Variants in ERC1 observed in about 807,000 individuals in gnomAD.
ERC1 encodes the protein RAB6 interacting protein 2.
ERC1 carries 56 observed loss-of-function variants against 132.0 expected under a neutral mutation model. The observed-to-expected ratio is 0.42, with a 90% CI of 0.34 to 0.53. ERC1 has a LOEUF of 0.53. Among genes scored for constraint, ERC1 ranks in the 20% least tolerant of loss-of-function variants. The pLI is 0.03. For missense variants in ERC1, 1,202 were observed against 1,349.9 expected (o/e 0.89, Z 1.72); for synonymous variants, 478 against 476.1 (o/e 1.00, Z -0.05).
chr12:1,423,282 G>A (rs74465925), intron 17 of ERC1, among the ~76,000 whole-genome samples: 1,634 of 152,212 alleles, frequency 0.011, 45 homozygotes, highest in African/African-American at 0.037. Flanking sequence ...CCTTACAAAA[G>A]TCTTCTACCA....
intron 12 of ERC1, among the ~76,000 whole-genome samples, chr12:1,195,831 C>T (rs1194623407): frequency 1.3e-5 from 2 of 151,556 alleles, no homozygotes; most frequent in Non-Finnish European, 2.9e-5. Context: ...TCCGTTACTT[C>T]CAACCCAGTG....
chr12:1,149,495 C>T (rs1034631170), intron 8 of ERC1, among the ~76,000 whole-genome samples: 4 of 152,120 alleles, frequency 2.6e-5, no homozygotes, highest in Admixed American at 1.3e-4. Context: ...GTGTCTGGAG[C>T]TCAAGCAGTC....
chr12:1,369,790 T>C (rs2087010971), intron 15 of ERC1, among the ~76,000 whole-genome samples: 1 of 152,194 alleles, frequency 6.6e-6, no homozygotes, highest in Admixed American at 6.5e-5. Flanking sequence ...TAGAATTACG[T>C]AGTGTGGGGA....
chr12:1,359,243 A>G (rs2085840809), intron 15 of ERC1, among the ~76,000 whole-genome samples: 1 of 152,250 alleles, frequency 6.6e-6, no homozygotes, highest in South Asian at 2.1e-4. Flanking sequence ...AATTAAACAT[A>G]TTTTCTTTAC....
chr12:1,083,753 G>A (rs912468021), intron 3 of ERC1, among the ~76,000 whole-genome samples, 173 bp downstream of exon 3: 1 of 152,066 alleles, frequency 6.6e-6, no homozygotes, highest in Non-Finnish European at 1.5e-5. Context: ...CTGTTGTATG[G>A]GATGACATTG....
chr12:1,369,540 A>G (rs2086980653), intron 15 of ERC1, among the ~76,000 whole-genome samples: 1 of 152,114 alleles, frequency 6.6e-6, no homozygotes, highest in Non-Finnish European at 1.5e-5. Context: ...GAAATGTAGC[A>G]CCCTTATTGG....
Position 1,108,404 on chromosome 12 carries a change from T to G in ERC1, c.1162-1788T>G, listed in dbSNP as rs191225973. On this transcript the variant is annotated intron_variant, in intron 4 of 18. Transcript: ENST00000360905. ...AGTTCTTACCTGGGACTAAATTGTC[T>G]TGAGTGGAGCCCCAGTGCTGCTGGA... Among the ~76,000 whole-genome samples, 7 of 152,338 alleles carry G rather than the reference T, an allele frequency of 4.6e-5. No individual in the cohort carries two copies. The East Asian group carries it at 1.3e-3, about 29-fold the overall frequency.
At chr12:1,287,429 G>C (rs559717071) in intron 14 of ERC1, among the ~76,000 whole-genome samples, 13 of 152,178 alleles carry the variant, frequency 8.5e-5, no homozygotes, top group Non-Finnish European at 1.9e-4. Context: ...ACAGTATTCT[G>C]GGTGTTTCTG....
At chr12:1,008,579 A>C (rs749894219) in intron 1 of ERC1, among the ~76,000 whole-genome samples, 2 of 151,984 alleles carry the variant, frequency 1.3e-5, no homozygotes, top group African/African-American at 4.8e-5. Flanking sequence ...GCCCGGCCAC[A>C]TTATTTTTTA....
At chr12:1,185,378 CT>C (rs1317329912) in intron 11 of ERC1, among the ~76,000 whole-genome samples, 14 of 151,658 alleles carry the variant, frequency 9.2e-5, no homozygotes, top group African/African-American at 3.4e-4. Flanking sequence ...TTTTTTTTCC[CT>C]TGTAGAGTGA....
chr12:1,437,066 A>G (rs180745563), intron 17 of ERC1, among the ~76,000 whole-genome samples: 119 of 152,308 alleles, frequency 7.8e-4, no homozygotes, highest in African/African-American at 2.3e-3. Flanking sequence ...CAAGCCAAGA[A>G]CTGAATTCAA....
chr12:1,351,398 G>A (rs2084982123), intron 15 of ERC1, among the ~76,000 whole-genome samples: 1 of 152,194 alleles, frequency 6.6e-6, no homozygotes, highest in South Asian at 2.1e-4. Flanking sequence ...GTCTTCCAAA[G>A]TGCTGTACCA....
At chr12:1,093,205 C>A (rs183124254) in intron 3 of ERC1, among the ~76,000 whole-genome samples, 6 of 152,152 alleles carry the variant, frequency 3.9e-5, no homozygotes, top group East Asian at 1.9e-4. Context: ...TTCTCCCCCC[C>A]AAAAGCCGAG....
At chr12:1,413,212 C>T (rs937886125) in intron 17 of ERC1, among the ~76,000 whole-genome samples, 1 of 152,072 alleles carries the variant, frequency 6.6e-6, no homozygotes, top group Non-Finnish European at 1.5e-5. Flanking sequence ...GTCAAGCAGC[C>T]CTCCTAAGAC....
At chr12:1,334,624 GT>G (rs1242618455) in intron 15 of ERC1, among the ~76,000 whole-genome samples, 1 of 152,138 alleles carries the variant, frequency 6.6e-6, no homozygotes, top group Non-Finnish European at 1.5e-5. Flanking sequence ...GGCTGTTTTG[GT>G]TACTGTAGCC....
intron 14 of ERC1, among the ~76,000 whole-genome samples, chr12:1,277,878 G>C (rs1594738909): frequency 6.6e-6 from 1 of 152,326 alleles, no homozygotes; most frequent in Non-Finnish European, 1.5e-5. Flanking sequence ...GTACCTAAGA[G>C]ATATGACAGT....
intron 16 of ERC1, among the ~76,000 whole-genome samples, chr12:1,405,293 GT>G (rs59265030): frequency 0.098 from 14,422 of 146,632 alleles, 1,064 homozygotes; most frequent in African/African-American, 0.21. Flanking sequence ...TTATTAATCG[GT>G]TTTTTTTTTT....
intron 18 of ERC1, among the ~76,000 whole-genome samples, chr12:1,452,594 C>G (rs1003676634): frequency 2.0e-5 from 3 of 152,072 alleles, no homozygotes; most frequent in African/African-American, 7.2e-5. Flanking sequence ...TTGATATTGT[C>G]CCATATCTCT....
At chr12:1,160,440 A>G (rs1238306798) in intron 8 of ERC1, among the ~76,000 whole-genome samples, 1 of 152,202 alleles carries the variant, frequency 6.6e-6, no homozygotes, top group Non-Finnish European at 1.5e-5. Context: ...AGACCCTTAA[A>G]AATCTAAGAT....
Sources: allele counts gnomAD v4.1 joint callset (sites outside exome capture counted in the v4.1 genomes callset), GRCh38; gene constraint gnomAD v4.1.1; transcripts MANE v1.5; gene names NCBI Gene and HGNC (gene_info 2026-07-23, HGNC 2026-07-21).